Variants in ATP13A4 observed in about 807,000 individuals in gnomAD.
ATP13A4 encodes probable cation-transporting ATPase 13A4.
ATP13A4 carries 114 observed loss-of-function variants against 142.5 expected under a neutral mutation model. That is an observed-to-expected ratio of 0.80 (90% CI 0.69 to 0.93). The LOEUF (loss-of-function observed/expected upper bound fraction) is 0.93. Ranked by LOEUF, ATP13A4 falls within the 40% of genes least tolerant of loss-of-function variation. The probability of loss-of-function intolerance (pLI) is 0.00; values close to 1 mark genes in which losing one functional copy is unlikely to be tolerated. For missense variants in ATP13A4, 1,392 were observed against 1,454.0 expected (o/e 0.96, Z 0.69); for synonymous variants, 488 against 514.8 (o/e 0.95, Z 0.70).
chr3:193,456,339 C>T (rs914302097), intron 16 of ATP13A4, among the ~76,000 whole-genome samples: 1 of 152,064 alleles, frequency 6.6e-6, no homozygotes, highest in East Asian at 1.9e-4. Flanking sequence ...GGTGTACATA[C>T]CAGCCTGGGA....
chr3:193,434,840 T>C (rs533285454), intron 24 of ATP13A4, among the ~76,000 whole-genome samples: 1 of 152,322 alleles, frequency 6.6e-6, no homozygotes. Flanking sequence ...TGTATTTTTG[T>C]GGTATGATAT....
At chr3:193,506,762 G>C (rs1720883539) in intron 2 of ATP13A4, among the ~76,000 whole-genome samples, 1 of 152,100 alleles carries the variant, frequency 6.6e-6, no homozygotes, top group South Asian at 2.1e-4. Context: ...TTTATAAGGG[G>C]CTTTCACCCT....
At chr3:193,444,199 T>C (rs1716812882) in intron 18 of ATP13A4, among the ~76,000 whole-genome samples, 1 of 152,092 alleles carries the variant, frequency 6.6e-6, no homozygotes, top group Non-Finnish European at 1.5e-5. Flanking sequence ...CCACATTACA[T>C]ATAAGAAAAC....
At chr3:193,542,304 T>C (rs1722972830) in intron 1 of ATP13A4, among the ~76,000 whole-genome samples, 3 of 152,146 alleles carry the variant, frequency 2.0e-5, no homozygotes, top group African/African-American at 7.2e-5. Flanking sequence ...TAGAAAACTC[T>C]GCCCAAGGAA....
At chr3:193,503,847 T>TTTA (rs1407696726) in intron 2 of ATP13A4, among the ~76,000 whole-genome samples, 1 of 152,106 alleles carries the variant, frequency 6.6e-6, no homozygotes, top group African/African-American at 2.4e-5. Flanking sequence ...CTCTGGGTGA[T>TTTA]CTCTCCTCTA....
chr3:193,501,915 A>G (rs1720565682), intron 3 of ATP13A4, among the ~76,000 whole-genome samples: 1 of 152,180 alleles, frequency 6.6e-6, no homozygotes, highest in South Asian at 2.1e-4. Flanking sequence ...TACTTTTACT[A>G]TAAGATTAAC....
intron 2 of ATP13A4, among the ~76,000 whole-genome samples, chr3:193,571,745 T>C (rs1031032815): frequency 2.0e-5 from 3 of 152,010 alleles, no homozygotes; most frequent in Non-Finnish European, 4.4e-5. Context: ...ACAAGGAGAA[T>C]CTGAGGAAAT....
intron 8 of ATP13A4, 126 bp from the exon 9 acceptor site, chr3:193,471,119 T>A: frequency 8.1e-7 from 1 of 1,232,448 alleles, no homozygotes; most frequent in South Asian, 1.3e-5. Flanking sequence ...AGGAGAACAT[T>A]CCTCAACATT....
intron 3 of ATP13A4, among the ~76,000 whole-genome samples, chr3:193,494,601 C>G (rs1168706323): frequency 6.6e-6 from 1 of 151,828 alleles, no homozygotes; most frequent in African/African-American, 2.4e-5. Context: ...CACAGCTTAC[C>G]AAAAACCTAT....
chr3:193,489,193 C>G (rs568769333), intron 7 of ATP13A4, among the ~76,000 whole-genome samples: 1 of 152,232 alleles, frequency 6.6e-6, no homozygotes, highest in African/African-American at 2.4e-5. Flanking sequence ...GAACAGAAGC[C>G]TTGTCCGGAT....
chr3:193,580,104 G>A (rs1724500912), intron 2 of ATP13A4, among the ~76,000 whole-genome samples: 1 of 152,118 alleles, frequency 6.6e-6, no homozygotes, highest in African/African-American at 2.4e-5. Context: ...TCTAGCGTGT[G>A]TGTTTATTTT....
chr3:193,402,935 A>G, intron 29 of ATP13A4, 71 bp from the exon 30 acceptor site: 1 of 1,364,088 alleles, frequency 7.3e-7, no homozygotes, highest in Non-Finnish European at 1.0e-6. Context: ...TCCACAGGCC[A>G]TCATAAGTCA....
chr3:193,468,104 A>G (rs1844472), intron 9 of ATP13A4, among the ~76,000 whole-genome samples: 77,106 of 151,958 alleles, frequency 0.51, 20,072 homozygotes, highest in African/African-American at 0.64. Flanking sequence ...GCTTGAACCC[A>G]GGAGGCAGAG....
chr3:193,444,978 G>A (rs147803199), intron 18 of ATP13A4, among the ~76,000 whole-genome samples: 71 of 152,266 alleles, frequency 4.7e-4, no homozygotes, highest in African/African-American at 1.4e-3. Context: ...TCCAGTGTTC[G>A]GGATAAACAG....
intron 1 of ATP13A4, among the ~76,000 whole-genome samples, chr3:193,549,084 C>T (rs1231172636): frequency 6.6e-6 from 1 of 152,062 alleles, no homozygotes; most frequent in Admixed American, 6.6e-5. Context: ...TCAATGTCAG[C>T]ATGAATGGAG....
chr3:193,462,788 C>A lies in ATP13A4; in HGVS notation c.1497G>T (p.Trp499Cys), dbSNP rs1321418634. 1 of 1,613,828 alleles carries A rather than the reference C, an allele frequency of 6.2e-7. No individual in the cohort carries two copies. Among genetic ancestry groups the A allele is most frequent in the East Asian group, 2.2e-5 (1 of 44,876 alleles). ...GTLTRDGLDL[W>C]GVVSCDRNGF... is the part of the protein sequence containing the mutation. ...CATTCCTATCACAGGACACGACTCC[C>A]CAGAGGTCCAAGCCGTCCCTTGTTA... The change falls in exon 13 of 30, where the codon TGG (tryptophan) becomes TGT (cysteine). Residue 499 changes from tryptophan (W) to cysteine (C), a missense_variant. Coordinates refer to ENST00000342695, the MANE Select transcript of ATP13A4 (RefSeq NM_032279.4).
upstream of ATP13A4, among the ~76,000 whole-genome samples, chr3:193,557,720 G>T (rs967898504): frequency 6.6e-6 from 1 of 152,196 alleles, no homozygotes; most frequent in Admixed American, 6.5e-5. Context: ...CATTTATTTG[G>T]CACATCCAAA....
chr3:193,419,235 T>C (rs1425700943), intron 25 of ATP13A4, among the ~76,000 whole-genome samples: 2 of 149,732 alleles, frequency 1.3e-5, no homozygotes, highest in Non-Finnish European at 3.0e-5. Context: ...CCTCTGGTAA[T>C]GCAGTGGAAG....
chr3:193,428,333 A>C (rs1576950433), intron 25 of ATP13A4, among the ~76,000 whole-genome samples: 2 of 152,034 alleles, frequency 1.3e-5, no homozygotes, highest in East Asian at 3.9e-4. Flanking sequence ...ACACTTTTAC[A>C]CTGTTGGTGG....
Sources: allele counts gnomAD v4.1 joint callset (sites outside exome capture counted in the v4.1 genomes callset), GRCh38; gene constraint gnomAD v4.1.1; transcripts MANE v1.5; gene names NCBI Gene and HGNC (gene_info 2026-07-23, HGNC 2026-07-21).